SLC44A5: variants seen among roughly 807,000 people sequenced by gnomAD.
SLC44A5 encodes the protein choline transporter-like protein 5.
SLC44A5 carries 57 observed loss-of-function variants against 101.8 expected under a neutral mutation model. The observed-to-expected ratio is 0.56, with a 90% CI of 0.45 to 0.70. The LOEUF is 0.70. Among genes scored for constraint, SLC44A5 ranks in the 30% least tolerant of loss-of-function variants. The pLI is 0.00. For synonymous variants in SLC44A5, 281 were observed against 290.9 expected (o/e 0.97, Z 0.35); for missense variants, 737 against 853.1 (o/e 0.86, Z 1.70).
chr1:75,678,241 G>T, the SLC44A5 span, among the ~76,000 whole-genome samples: 4 of 152,150 alleles, frequency 2.6e-5, no homozygotes, highest in Non-Finnish European at 5.9e-5. Context: ...AGGGAAGCTC[G>T]AACTGGGTGG....
intron 3 of SLC44A5, among the ~76,000 whole-genome samples, chr1:75,379,689 AG>A (rs1435322221): frequency 1.9e-5 from 1 of 51,932 alleles, no homozygotes; most frequent in Non-Finnish European, 3.0e-5. Context: ...TTAAAAGGAA[AG>A]GTTCCTGCAG....
chr1:75,586,739 T>A (rs1050145987), intron 1 of SLC44A5, among the ~76,000 whole-genome samples: 1 of 152,166 alleles, frequency 6.6e-6, no homozygotes, highest in Admixed American at 6.5e-5. Flanking sequence ...CATTACTTGC[T>A]ATCTTTAATA....
intron 3 of SLC44A5, among the ~76,000 whole-genome samples, chr1:75,351,938 G>A (rs1658706222): frequency 6.7e-6 from 1 of 150,080 alleles, no homozygotes; most frequent in South Asian, 2.1e-4. Context: ...ATAAAGAGAG[G>A]GATAACATTG....
the SLC44A5 span, among the ~76,000 whole-genome samples, chr1:75,636,998 C>T: frequency 6.6e-6 from 1 of 151,934 alleles, no homozygotes; most frequent in Non-Finnish European, 1.5e-5. Context: ...TTAATCCAGA[C>T]CTGCACTGAC....
chr1:75,347,935 C>G (rs116008953), intron 3 of SLC44A5, among the ~76,000 whole-genome samples: 2,330 of 151,984 alleles, frequency 0.015, 71 homozygotes, highest in African/African-American at 0.053. Context: ...CAAAAGAAAA[C>G]CTTGGGATTA....
chr1:75,587,881 G>A (rs141742845), intron 1 of SLC44A5, among the ~76,000 whole-genome samples: 63 of 152,202 alleles, frequency 4.1e-4, no homozygotes, highest in African/African-American at 1.5e-3. Context: ...GTTTTACTGC[G>A]TCTGGCACTC....
At chr1:75,509,714 C>A (rs989383701) in intron 2 of SLC44A5, among the ~76,000 whole-genome samples, 16 of 152,044 alleles carry the variant, frequency 1.1e-4, no homozygotes, top group African/African-American at 2.7e-4. Context: ...TGTGCTAAGC[C>A]CTGTGTTACA....
rs186156362 is a variant in SLC44A5 at position 75,309,436 on chromosome 1, A to T, written c.102-8751T>A. On this transcript the variant is annotated intron_variant, in intron 4 of 23. Coordinates refer to ENST00000370859, the MANE Select transcript of SLC44A5 (RefSeq NM_001130058.2). Reference sequence around the variant, plus strand: ...AGCGAGACCATTGCCTCTAAAAAAAATTTTTCAAATAATTTTTAAAAATAA... The same window carrying T: ...AGCGAGACCATTGCCTCTAAAAAAATTTTTTCAAATAATTTTTAAAAATAA... Among the ~76,000 whole-genome samples the T allele has an allele frequency of 1.4e-3, 217 of 152,306 alleles. 2 individuals carry two copies. The highest frequency in any genetic ancestry group is 2.0e-3 in the African/African-American group (82 of 41,570).
intron 23 of SLC44A5, among the ~76,000 whole-genome samples, chr1:75,207,053 T>A (rs1438600454): frequency 6.6e-6 from 1 of 152,126 alleles, no homozygotes; most frequent in African/African-American, 2.4e-5. Flanking sequence ...AATTGCCAAA[T>A]CCTCCGGGAT....
intron 6 of SLC44A5, among the ~76,000 whole-genome samples, chr1:75,258,250 G>A (rs765827100): frequency 5.3e-5 from 8 of 152,154 alleles, no homozygotes; most frequent in Non-Finnish European, 1.0e-4. Context: ...TGGCTTGGCA[G>A]TTCCCACAAC....
chr1:75,339,715 G>T (rs2101031311), intron 3 of SLC44A5, 85 bp from the exon 4 acceptor site: 1 of 1,242,542 alleles, frequency 8.0e-7, no homozygotes. Flanking sequence ...TCTACATATT[G>T]GTTAGTCCAC....
intron 5 of SLC44A5, among the ~76,000 whole-genome samples, chr1:75,281,246 C>A (rs1265149923): frequency 6.6e-6 from 1 of 152,118 alleles, no homozygotes; most frequent in Non-Finnish European, 1.5e-5. Context: ...TTCTTGGGAA[C>A]TGGAACAAAA....
At chr1:75,481,249 T>G (rs994824688) in intron 2 of SLC44A5, among the ~76,000 whole-genome samples, 9 of 152,174 alleles carry the variant, frequency 5.9e-5, no homozygotes, top group African/African-American at 1.7e-4. Context: ...ATACAAAAAT[T>G]AATTCAAGAT....
intron 2 of SLC44A5, among the ~76,000 whole-genome samples, chr1:75,433,895 A>C (rs1420405668): frequency 6.6e-6 from 1 of 152,152 alleles, no homozygotes; most frequent in Non-Finnish European, 1.5e-5. Context: ...ACATGGCAGC[A>C]GGCAAGACAG....
intron 2 of SLC44A5, among the ~76,000 whole-genome samples, chr1:75,497,239 G>A (rs1668723254): frequency 6.6e-6 from 1 of 152,014 alleles, no homozygotes; most frequent in African/African-American, 2.4e-5. Flanking sequence ...CAACCTAAGT[G>A]TCTATAGACT....
intron 2 of SLC44A5, among the ~76,000 whole-genome samples, chr1:75,414,242 T>C (rs932470296): frequency 1.3e-5 from 2 of 151,842 alleles, no homozygotes; most frequent in East Asian, 3.9e-4. Context: ...AAGATCAAAT[T>C]TGAATTGTTA....
chr1:75,689,317 T>C, the SLC44A5 span, among the ~76,000 whole-genome samples: 1 of 94,710 alleles, frequency 1.1e-5, no homozygotes, highest in African/African-American at 2.7e-5. Flanking sequence ...GGTTTCTCCA[T>C]CCAAGGCCCA....
At chr1:75,262,795 T>G (rs1160156689) in intron 6 of SLC44A5, among the ~76,000 whole-genome samples, 1 of 151,976 alleles carries the variant, frequency 6.6e-6, no homozygotes, top group Admixed American at 6.6e-5. Context: ...TATAGACCAA[T>G]GGAACAGAAC....
At chr1:75,615,647 G>C (rs1274462279), upstream of SLC44A5, among the ~76,000 whole-genome samples, 1 of 152,052 alleles carries the variant, frequency 6.6e-6, no homozygotes, top group Non-Finnish European at 1.5e-5. Context: ...GGTTGCAAAA[G>C]GGGCACAAAC....
Sources: gnomAD v4.1 joint callset for allele counts (sites outside exome capture counted in the v4.1 genomes callset) on GRCh38, gnomAD v4.1.1 for gene constraint, MANE v1.5 for transcripts, NCBI Gene and HGNC (gene_info 2026-07-23, HGNC 2026-07-21) for gene names.